RAB6B: variants seen among roughly 807,000 people sequenced by gnomAD.
RAB6B encodes the protein RAB6B, member RAS oncogene family, also known as ras-related protein Rab-6B.
Under a neutral mutation model 31.2 loss-of-function variants are expected in RAB6B, and 7 were observed. The observed-to-expected ratio is 0.22, with a 90% CI of 0.13 to 0.42. The LOEUF (loss-of-function observed/expected upper bound fraction) is 0.42. Ranked by LOEUF, RAB6B falls within the 10% of genes least tolerant of loss-of-function variation. The pLI is 1.00. For missense variants in RAB6B, 149 were observed against 280.6 expected (o/e 0.53, Z 3.35); for synonymous variants, 105 against 104.9 (o/e 1.00, Z -0.01).
In RAB6B at chr3:133,825,805, T is replaced by C. The variant is rs2107981411; in HGVS notation, c.*2983A>G. The C allele has an allele frequency of 6.6e-6, 1 of 152,322 alleles. No homozygotes were observed. Among genetic ancestry groups the C allele is most frequent in the South Asian group, 2.1e-4 (1 of 4,826 alleles). The allele number at this position is 152,322 out of a possible 1,614,324, so 9.4% of individuals were successfully genotyped here. Reference sequence around the variant, plus strand: ...AAGAGGATCCTGCTAATCTGCCAGGTCACGTCTAGTCTTTGGGGAGAGGGA... The same window carrying C: ...AAGAGGATCCTGCTAATCTGCCAGGCCACGTCTAGTCTTTGGGGAGAGGGA... On this transcript the variant is annotated 3_prime_UTR_variant, in exon 8 of 8. Transcript: ENST00000285208.
chr3:133,847,706 C>T (rs1371971185), intron 2 of RAB6B, among the ~76,000 whole-genome samples: 6 of 152,194 alleles, frequency 3.9e-5, no homozygotes, highest in African/African-American at 1.4e-4. Flanking sequence ...TGTCCCTCTG[C>T]CCATAGCTCT....
At chr3:133,841,995 C>T (rs539576071) in intron 2 of RAB6B, among the ~76,000 whole-genome samples, 4 of 152,322 alleles carry the variant, frequency 2.6e-5, no homozygotes, top group East Asian at 1.9e-4. Flanking sequence ...CCTGCCCTCC[C>T]CACCTGGACT....
chr3:133,880,103 G>A (rs1336783242), intron 1 of RAB6B, among the ~76,000 whole-genome samples: 1 of 152,214 alleles, frequency 6.6e-6, no homozygotes, highest in African/African-American at 2.4e-5. Context: ...TAGAGAAGGA[G>A]GAAGTTAAAT....
intron 1 of RAB6B, among the ~76,000 whole-genome samples, chr3:133,892,884 A>AACTGT (rs1936655545): frequency 6.6e-6 from 1 of 152,230 alleles, no homozygotes; most frequent in South Asian, 2.1e-4. Context: ...AGGTAGAAGA[A>AACTGT]GCGGCTGTGG....
At position 133,862,155 on chromosome 3, in the gene RAB6B, C is replaced by T. The variant is rs187866895; in HGVS notation, c.129+2429G>A. Among the ~76,000 whole-genome samples the T allele has an allele frequency of 6.6e-5, 10 of 151,826 alleles. No homozygotes were observed. In the East Asian group the frequency reaches 1.4e-3, roughly 21 times the overall value. ...GAAAAAAAAAAAAAGAGAAAGCCTG[C>T]GATGGGGAGGGCAGTCCTCTCTGAG... is the stretch of plus-strand genomic sequence containing the variant. On this transcript the variant is annotated intron_variant, in intron 2 of 7. Coordinates refer to ENST00000285208, the MANE Select transcript of RAB6B (RefSeq NM_016577.4).
chr3:133,889,185 C>T (rs1936594856), intron 1 of RAB6B, among the ~76,000 whole-genome samples: 1 of 151,802 alleles, frequency 6.6e-6, no homozygotes, highest in Non-Finnish European at 1.5e-5. Context: ...CATTCAATGG[C>T]CGATGCATTC....
At chr3:133,888,241 AG>A (rs1433734943) in intron 1 of RAB6B, among the ~76,000 whole-genome samples, 15 of 152,254 alleles carry the variant, frequency 9.9e-5, no homozygotes, top group Admixed American at 6.5e-5. Context: ...GGGCAGGGCC[AG>A]CTCTCTCTGA....
intron 1 of RAB6B, among the ~76,000 whole-genome samples, chr3:133,878,284 T>G (rs140798517): frequency 2.0e-5 from 3 of 151,754 alleles, no homozygotes; most frequent in African/African-American, 7.3e-5. Context: ...ATAAAAGTAG[T>G]CAGAGAAAAA....
In RAB6B at chr3:133,825,030, G is replaced by A. The variant is rs1935535305; in HGVS notation, c.*3758C>T. 4 of 152,176 alleles carry A rather than the reference G, an allele frequency of 2.6e-5. No homozygotes were observed. Among genetic ancestry groups the A allele is most frequent in the Admixed American group, 2.6e-4 (4 of 15,274 alleles). 9.4% of individuals were successfully genotyped at this position (152,176 alleles called of 1,614,324 possible). A position where few individuals can be genotyped will look rare whatever the true frequency, so the allele number is the denominator to read the frequency against. ...CACATAGCTGTAACAAGGTGACAAT[G>A]CCTCACATTCTTTGGGGAGAGGCAG... On this transcript the variant is annotated 3_prime_UTR_variant, in exon 8 of 8. Coordinates refer to ENST00000285208, the MANE Select transcript of RAB6B (RefSeq NM_016577.4).
chr3:133,890,119 T>A (rs1238561103), intron 1 of RAB6B, among the ~76,000 whole-genome samples: 2 of 152,194 alleles, frequency 1.3e-5, no homozygotes, highest in African/African-American at 4.8e-5. Context: ...AGAAGGAAGC[T>A]AAGGCTCAGG....
intron 1 of RAB6B, among the ~76,000 whole-genome samples, chr3:133,866,043 G>C (rs984592860): frequency 6.6e-6 from 1 of 152,186 alleles, no homozygotes; most frequent in Admixed American, 6.5e-5. Flanking sequence ...CAGGACCTCA[G>C]TTCCTCATTT....
intron 7 of RAB6B, 75 bp from the exon 8 acceptor site, chr3:133,828,927 CT>C: frequency 7.6e-7 from 1 of 1,319,026 alleles, no homozygotes. Flanking sequence ...GCACTGTACC[CT>C]TTGGCTACTG....
At chr3:133,846,004 G>A (rs1345203843) in intron 2 of RAB6B, among the ~76,000 whole-genome samples, 1 of 152,166 alleles carries the variant, frequency 6.6e-6, no homozygotes, top group Admixed American at 6.5e-5. Flanking sequence ...TTAAATAACA[G>A]TAGCTAGGAC....
chr3:133,886,209 G>A (rs767241194), intron 1 of RAB6B, among the ~76,000 whole-genome samples: 2 of 152,188 alleles, frequency 1.3e-5, no homozygotes, highest in Non-Finnish European at 2.9e-5. Context: ...CCCCTTCTTT[G>A]CTGGTGAGTT....
chr3:133,860,835 T>A (rs1936151279), intron 2 of RAB6B, among the ~76,000 whole-genome samples: 1 of 152,226 alleles, frequency 6.6e-6, no homozygotes, highest in African/African-American at 2.4e-5. Flanking sequence ...AGTGGTTTCC[T>A]AATTTGTGCC....
chr3:133,895,496 G>A lies in RAB6B; in HGVS notation c.-30C>T, dbSNP rs1161382577. 10 of 1,608,878 alleles carry A rather than the reference G, an allele frequency of 6.2e-6. No homozygotes were observed. Among genetic ancestry groups the A allele is most frequent in the African/African-American group, 2.7e-5 (2 of 74,764 alleles). On this transcript the variant is annotated 5_prime_UTR_variant, in exon 1 of 8. Transcript: ENST00000285208. Reference sequence around the variant, plus strand: ...CTGGCAGCCGGGGCCGGGAGAGGAGGAGGAGGAAAAAGCGAAGGAGCAGGG... The same window carrying A: ...CTGGCAGCCGGGGCCGGGAGAGGAGAAGGAGGAAAAAGCGAAGGAGCAGGG...
intron 1 of RAB6B, among the ~76,000 whole-genome samples, chr3:133,884,125 T>C (rs1936506122): frequency 6.6e-6 from 1 of 152,364 alleles, no homozygotes; most frequent in South Asian, 2.1e-4. Context: ...TAATCATTGA[T>C]GCTGCAAAAT....
chr3:133,856,797 C>T (rs930989521), intron 2 of RAB6B, among the ~76,000 whole-genome samples: 7 of 152,144 alleles, frequency 4.6e-5, no homozygotes, highest in Admixed American at 1.3e-4. Context: ...AGAGGGAACA[C>T]CTGGATGACT....
chr3:133,860,408 G>A (rs1394904865), intron 2 of RAB6B, among the ~76,000 whole-genome samples: 2 of 152,168 alleles, frequency 1.3e-5, no homozygotes, highest in Admixed American at 1.3e-4. Context: ...GGAGGCACTG[G>A]AAGCTGGGGG....
Sources: allele counts gnomAD v4.1 joint callset (sites outside exome capture counted in the v4.1 genomes callset), GRCh38; gene constraint gnomAD v4.1.1; transcripts MANE v1.5; gene names NCBI Gene and HGNC (gene_info 2026-07-23, HGNC 2026-07-21).